The following DMD variants were observed in gnomAD, a reference collection of about 807,000 sequenced individuals.
The protein encoded by DMD is dystrophin, also known as mutant dystrophin.
A neutral mutation model predicts 330.1 loss-of-function variants in DMD; 63 were observed. The ratio of observed to expected loss-of-function variants is 0.19; its 90% CI spans 0.16 to 0.24. The LOEUF (loss-of-function observed/expected upper bound fraction) is 0.24, where lower values mean the gene tolerates loss of function less well. DMD is among the 10% of genes least tolerant of loss of function. DMD has a pLI of 1.00. For missense variants in DMD, 3,344 were observed against 2,684.1 expected (o/e 1.25, Z -5.43); for synonymous variants, 1,223 against 959.8 (o/e 1.27, Z -5.07).
intron 1 of DMD, among the ~76,000 whole-genome samples, chrX:33,118,361 C>T (rs1369440710): frequency 9.0e-6 from 1 of 110,726 alleles, no homozygotes; most frequent in African/African-American, 3.3e-5. Flanking sequence ...CCGCCCGCCT[C>T]GGCCTCCCAA....
At chrX:32,751,431 C>T (rs1016595688) in intron 7 of DMD, among the ~76,000 whole-genome samples, 2 of 111,461 alleles carry the variant, frequency 1.8e-5, no homozygotes, top group Non-Finnish European at 3.8e-5. Context: ...TTATAGGGAA[C>T]TTTGAGCTTG....
At chrX:32,030,995 G>A (rs964810225) in intron 44 of DMD, among the ~76,000 whole-genome samples, 3 of 111,741 alleles carry the variant, frequency 2.7e-5, no homozygotes, top group African/African-American at 6.5e-5. Context: ...AGTGCCTGCC[G>A]TATAGAGGGC....
At chrX:31,738,220 C>A (rs758747244) in intron 51 of DMD, among the ~76,000 whole-genome samples, 1 of 111,714 alleles carries the variant, frequency 9.0e-6, no homozygotes, top group East Asian at 2.8e-4. Context: ...AAATCACTGA[C>A]TACAATGAAG....
intron 26 of DMD, among the ~76,000 whole-genome samples, chrX:32,450,555 T>G (rs1875277577): frequency 9.0e-6 from 1 of 110,672 alleles, no homozygotes; most frequent in Non-Finnish European, 1.9e-5. Context: ...GCCAGCCATG[T>G]CATAAGTGCT....
At chrX:32,231,629 T>C (rs1403148438) in intron 43 of DMD, among the ~76,000 whole-genome samples, 2 of 111,943 alleles carry the variant, frequency 1.8e-5, no homozygotes, top group Non-Finnish European at 3.8e-5. Context: ...AACGGGAAAT[T>C]CTATTTTCTC....
intron 2 of DMD, among the ~76,000 whole-genome samples, chrX:32,864,756 T>G (rs2082351069): frequency 8.9e-6 from 1 of 112,300 alleles, no homozygotes; most frequent in African/African-American, 3.2e-5. Flanking sequence ...AATGTATAAT[T>G]CACTCTAATG....
chrX:32,925,007 T>A (rs993369224), intron 2 of DMD, among the ~76,000 whole-genome samples: 9 of 110,378 alleles, frequency 8.2e-5, no homozygotes, highest in African/African-American at 2.6e-4. Flanking sequence ...ACACTCGGAA[T>A]TAGTGGGGTT....
chrX:31,292,369 C>T (rs1052044954), intron 62 of DMD, among the ~76,000 whole-genome samples: 2 of 112,005 alleles, frequency 1.8e-5, no homozygotes, highest in African/African-American at 6.5e-5. Flanking sequence ...TATTCAACCT[C>T]ATAAGTAATC....
chrX:32,696,106 A>T (rs2063636921), intron 9 of DMD, among the ~76,000 whole-genome samples: 1 of 112,010 alleles, frequency 8.9e-6, no homozygotes, highest in Non-Finnish European at 1.9e-5. Flanking sequence ...CTCTCCTCTT[A>T]TAGAGAACGT....
chrX:32,827,724 G>A (rs1461573491), intron 4 of DMD, among the ~76,000 whole-genome samples: 1 of 104,323 alleles, frequency 9.6e-6, no homozygotes, highest in African/African-American at 3.6e-5. Flanking sequence ...GCAGTGGCAC[G>A]ATCTCGGCTC....
rs2097109827 is a variant in DMD at position 32,215,714 on chromosome X, C to G, written c.6438+1202G>C. On this transcript the variant is annotated intron_variant, in intron 44 of 78. Transcript: ENST00000357033. ...ATATAACTCTAATATGTTTCTGCCTCTCAGGCAGAAACCCCATTATGCTAC... is the reference window on the plus strand; with the variant it reads ...ATATAACTCTAATATGTTTCTGCCTGTCAGGCAGAAACCCCATTATGCTAC... Among the ~76,000 whole-genome samples, 5 of 111,466 alleles carry G rather than the reference C, an allele frequency of 4.5e-5. No homozygotes were observed. The South Asian group carries it at 1.9e-3, about 42-fold the overall frequency.
Position 33,129,731 on chromosome X carries a change from A to G in DMD, c.31+81551T>C, listed in dbSNP as rs755537581. 2.9e-4 allele frequency among the ~76,000 whole-genome samples: 32 copies of G among 110,716 alleles called. No homozygotes were observed. In the South Asian group the frequency reaches 4.6e-3, roughly 16 times the overall value. The stretch of plus-strand genomic sequence containing the variant: ...TTAATCGTACCGTATTCCCTTGTCT[A>G]CAAAGAGTACTGCATCCAAATTACA... On this transcript the variant is annotated intron_variant, in intron 1 of 78. Transcript: ENST00000357033.
intron 41 of DMD, among the ~76,000 whole-genome samples, chrX:32,321,377 T>G (rs910990002): frequency 1.8e-5 from 2 of 111,354 alleles, no homozygotes; most frequent in Non-Finnish European, 3.8e-5. Flanking sequence ...CAAAGTTATG[T>G]GTATCTTGGC....
chrX:32,965,426 G>A (rs954181657), intron 2 of DMD, among the ~76,000 whole-genome samples: 3 of 106,306 alleles, frequency 2.8e-5, no homozygotes, highest in African/African-American at 6.9e-5. Flanking sequence ...CCTGGGAGGC[G>A]GAGGTTGCAG....
rs756582295 is a variant in DMD, at chrX:31,688,298, C to T, written c.7661-8712G>A. The stretch of plus-strand genomic sequence containing the variant: ...ATGATAAAGGGGATATCACCACCGA[C>T]ACCACAGAAATACAAACTACCATCA... On this transcript the variant is annotated intron_variant, in intron 52 of 78. Transcript: ENST00000357033. 6.4e-3 allele frequency among the ~76,000 whole-genome samples: 713 copies of T among 110,595 alleles called. 3 individuals are homozygous for T. Among genetic ancestry groups the T allele is most frequent in the Admixed American group, 9.7e-3 (101 of 10,412 alleles).
intron 44 of DMD, among the ~76,000 whole-genome samples, chrX:32,119,458 G>A (rs189833133): frequency 5.4e-5 from 6 of 111,033 alleles, no homozygotes; most frequent in Admixed American, 2.9e-4. Context: ...GCAGCCTTTC[G>A]TATAACTAGG....
At chrX:33,064,344 AAC>A (rs1259346334) in intron 1 of DMD, among the ~76,000 whole-genome samples, 1 of 111,585 alleles carries the variant, frequency 9.0e-6, no homozygotes, top group Non-Finnish European at 1.9e-5. Flanking sequence ...AGGAAAAAAA[AAC>A]ACAGGAAGAC....
intron 9 of DMD, among the ~76,000 whole-genome samples, chrX:32,689,865 A>G (rs867628517): frequency 3.6e-5 from 4 of 110,935 alleles, no homozygotes; most frequent in African/African-American, 1.3e-4. Flanking sequence ...TTTAAAAAAA[A>G]CCATTAAACT....
At chrX:32,133,486 C>T (rs1401890836) in intron 44 of DMD, among the ~76,000 whole-genome samples, 1 of 111,369 alleles carries the variant, frequency 9.0e-6, no homozygotes, top group Non-Finnish European at 1.9e-5. Flanking sequence ...CAACCTGGAC[C>T]TTTTTTGCTG....
Sources: gnomAD v4.1 joint callset for allele counts (sites outside exome capture counted in the v4.1 genomes callset) on GRCh38, gnomAD v4.1.1 for gene constraint, MANE v1.5 for transcripts, NCBI Gene and HGNC (gene_info 2026-07-23, HGNC 2026-07-21) for gene names.